Variants in PDE9A observed in about 807,000 individuals in gnomAD.
PDE9A encodes phosphodiesterase 9A, also known as high affinity cGMP-specific 3',5'-cyclic phosphodiesterase 9A.
Under a neutral mutation model 87.4 loss-of-function variants are expected in PDE9A, and 60 were observed. That is an observed-to-expected ratio of 0.69 (90% CI 0.56 to 0.85). The LOEUF (loss-of-function observed/expected upper bound fraction) is 0.85, where lower values mean the gene tolerates loss of function less well. PDE9A is among the 40% of genes least tolerant of loss of function. The pLI, the probability that PDE9A is intolerant of heterozygous loss-of-function variation, is 0.00. For synonymous variants in PDE9A, 272 were observed against 279.4 expected (o/e 0.97, Z 0.27); for missense variants, 665 against 779.0 (o/e 0.85, Z 1.74).
intron 5 of PDE9A, 54 bp downstream of exon 5, chr21:42,732,003 G>A: frequency 6.2e-7 from 1 of 1,611,550 alleles, no homozygotes. Flanking sequence ...TGGGATTCGG[G>A]CTGCAATGGC....
At chr21:42,708,424 T>C (rs1252014215) in intron 4 of PDE9A, among the ~76,000 whole-genome samples, 1 of 152,106 alleles carries the variant, frequency 6.6e-6, no homozygotes, top group Non-Finnish European at 1.5e-5. Flanking sequence ...CTGCAAACGT[T>C]AGGACTGCCC....
intron 7 of PDE9A, among the ~76,000 whole-genome samples, chr21:42,735,426 C>T (rs573681607): frequency 6.6e-6 from 1 of 152,300 alleles, no homozygotes; most frequent in African/African-American, 2.4e-5. Flanking sequence ...GACTGGGAGG[C>T]TTAAGCATCA....
chr21:42,754,975 A>T (rs2054871007), intron 10 of PDE9A, among the ~76,000 whole-genome samples: 1 of 152,204 alleles, frequency 6.6e-6, no homozygotes, highest in Admixed American at 6.5e-5. Context: ...CGCTACAAAA[A>T]AAAGGTGTTA....
At chr21:42,763,088 C>T (rs2055989307) in intron 14 of PDE9A, among the ~76,000 whole-genome samples, 1 of 152,182 alleles carries the variant, frequency 6.6e-6, no homozygotes, top group Admixed American at 6.5e-5. Context: ...TGACCTGGTC[C>T]ACCTGCCCCA....
At chr21:42,690,465 G>A (rs952084646) in intron 3 of PDE9A, among the ~76,000 whole-genome samples, 2 of 152,070 alleles carry the variant, frequency 1.3e-5, no homozygotes, top group African/African-American at 2.4e-5. Flanking sequence ...ATCTATGATC[G>A]TGGGTGTGGA....
At chr21:42,764,182 T>G (rs2147134123) in intron 14 of PDE9A, among the ~76,000 whole-genome samples, 1 of 152,340 alleles carries the variant, frequency 6.6e-6, no homozygotes, top group South Asian at 2.1e-4. Context: ...GGCGCTGACA[T>G]ACGGCGGCAG....
intron 7 of PDE9A, among the ~76,000 whole-genome samples, chr21:42,737,077 C>T (rs2250870): frequency 0.7 from 106,014 of 152,170 alleles, 38,868 homozygotes; most frequent in African/African-American, 0.92. Context: ...GAACCTCTCA[C>T]GCAGGCCACT....
intron 1 of PDE9A, among the ~76,000 whole-genome samples, chr21:42,663,550 G>C (rs151323907): frequency 3.4e-4 from 52 of 152,336 alleles, no homozygotes; most frequent in Non-Finnish European, 5.9e-4. Context: ...GTTTGAAGTG[G>C]TTGAGCTTGG....
rs757046264 is a variant in PDE9A at position 42,765,414 on chromosome 21, G to A, written c.1276G>A (p.Ala426Thr). The change falls in exon 15 of 20, where the codon GCA becomes ACA. Residue 426 changes from alanine to threonine, a missense_variant. Ala to Thr is a moderately conservative substitution (Grantham distance 58). Transcript: ENST00000291539. ...MITLILATDM[A>T]RHAEIMDSFK... ...CACATTAATCTTGGCCACTGACATG[G>A]CAAGACATGCAGAAATTATGGATTC... 1.7e-5 allele frequency: 28 copies of A among 1,611,370 alleles called. No homozygotes were observed. The highest frequency in any genetic ancestry group is 2.4e-5 in the Non-Finnish European group (28 of 1,177,648).
intron 1 of PDE9A, among the ~76,000 whole-genome samples, chr21:42,667,420 A>G (rs1484122400): frequency 6.6e-6 from 1 of 152,216 alleles, no homozygotes; most frequent in Non-Finnish European, 1.5e-5. Flanking sequence ...AGGAGGATTT[A>G]GAATTCTATT....
chr21:42,665,845 G>A (rs2138327), intron 1 of PDE9A, among the ~76,000 whole-genome samples: 6 of 151,994 alleles, frequency 3.9e-5, no homozygotes, highest in Non-Finnish European at 5.9e-5. Flanking sequence ...GGCGTTGCTC[G>A]GCTGGGCCAG....
At chr21:42,716,747 CTTT>C (rs60104683) in intron 4 of PDE9A, among the ~76,000 whole-genome samples, 7 of 94,268 alleles carry the variant, frequency 7.4e-5, no homozygotes, top group Non-Finnish European at 1.1e-4. Context: ...TTATAATTTC[CTTT>C]TTTTTTTTTT....
At chr21:42,688,581 G>A (rs1020417179) in intron 3 of PDE9A, among the ~76,000 whole-genome samples, 1 of 152,214 alleles carries the variant, frequency 6.6e-6, no homozygotes, top group Non-Finnish European at 1.5e-5. Flanking sequence ...ACCTGCCCCT[G>A]TTCCTGGTGA....
At chr21:42,745,237 C>T (rs943261804) in intron 8 of PDE9A, among the ~76,000 whole-genome samples, 11 of 152,164 alleles carry the variant, frequency 7.2e-5, no homozygotes, top group African/African-American at 2.2e-4. Context: ...TCGGGGTGGG[C>T]GCAGGGAGGA....
intron 19 of PDE9A, among the ~76,000 whole-genome samples, 200 bp downstream of exon 19, chr21:42,772,720 G>T (rs1161337229): frequency 6.6e-6 from 1 of 151,540 alleles, no homozygotes; most frequent in East Asian, 2.0e-4. Flanking sequence ...TACAACCTCT[G>T]TCTCCTGAGT....
chr21:42,664,949 T>C (rs1005958865), intron 1 of PDE9A, among the ~76,000 whole-genome samples: 37 of 152,234 alleles, frequency 2.4e-4, no homozygotes, highest in Admixed American at 2.4e-3. Flanking sequence ...CCTGTGAATG[T>C]CCCGTTAGTT....
intron 1 of PDE9A, among the ~76,000 whole-genome samples, chr21:42,679,742 G>A (rs141957919): frequency 5.3e-5 from 8 of 152,192 alleles, no homozygotes; most frequent in African/African-American, 1.9e-4. Context: ...AATGCCTCTG[G>A]ACCCGGAAAG....
intron 17 of PDE9A, 133 bp downstream of exon 17, chr21:42,769,288 C>T: frequency 2.6e-6 from 2 of 766,782 alleles, no homozygotes; most frequent in South Asian, 3.5e-5. Context: ...TACACAGATA[C>T]ACACAGACGC....
In PDE9A at chr21:42,655,813, C is replaced by T. The variant is rs192208384; in HGVS notation, c.69+1930C>T. On this transcript the variant is annotated intron_variant, in intron 1 of 19. Transcript: ENST00000291539. Reference sequence around the variant, plus strand: ...GGAGGCGCCAGACGGGTCTCCAACCCCCACCCCGCCCCCCATCTCCACGAG... The same window carrying T: ...GGAGGCGCCAGACGGGTCTCCAACCTCCACCCCGCCCCCCATCTCCACGAG... Among the ~76,000 whole-genome samples the T allele has an allele frequency of 3.7e-3, 561 of 152,174 alleles. 1 individual carries two copies. The highest frequency in any genetic ancestry group is 0.013 in the African/African-American group (531 of 41,500).
Sources: allele counts gnomAD v4.1 joint callset (sites outside exome capture counted in the v4.1 genomes callset), GRCh38; gene constraint gnomAD v4.1.1; transcripts MANE v1.5; gene names NCBI Gene and HGNC (gene_info 2026-07-23, HGNC 2026-07-21).